Variants in GABRB3 observed in about 807,000 individuals in gnomAD.
GABRB3 encodes gamma-aminobutyric acid type A receptor subunit beta3, also known as gamma-aminobutyric acid receptor subunit beta-3.
In GABRB3, 14 loss-of-function variants were observed where a neutral mutation model predicts 52.1. The observed-to-expected ratio is 0.27, with a 90% CI of 0.18 to 0.42. The LOEUF (loss-of-function observed/expected upper bound fraction) is 0.42. Ranked by LOEUF, GABRB3 falls within the 10% of genes least tolerant of loss-of-function variation. The pLI, the probability that GABRB3 is intolerant of heterozygous loss-of-function variation, is 1.00. For synonymous variants in GABRB3, 260 were observed against 232.3 expected, an observed-to-expected ratio of 1.12 and a Z score of -1.08; for missense variants, 307 against 609.1, an observed-to-expected ratio of 0.50 and a Z score of 5.22.
chr15:26,757,648 C>T (rs1179454585), intron 3 of GABRB3, among the ~76,000 whole-genome samples: 4 of 152,238 alleles, frequency 2.6e-5, no homozygotes, highest in African/African-American at 4.8e-5. Context: ...CTAATCAACA[C>T]GGAGCAATTG....
At chr15:26,565,165 G>T (rs1449168878) in intron 7 of GABRB3, among the ~76,000 whole-genome samples, 1 of 118,272 alleles carries the variant, frequency 8.5e-6, no homozygotes, top group Non-Finnish European at 1.7e-5. Context: ...CTTGTCTGTT[G>T]TATTGATGAT....
chr15:26,713,409 C>T (rs1319650897), intron 3 of GABRB3, among the ~76,000 whole-genome samples: 1 of 151,952 alleles, frequency 6.6e-6, no homozygotes, highest in Non-Finnish European at 1.5e-5. Flanking sequence ...AGAGGGGAGA[C>T]CCAGGCCCTA....
intron 3 of GABRB3, among the ~76,000 whole-genome samples, chr15:26,663,201 C>T (rs1326557913): frequency 1.3e-5 from 2 of 152,190 alleles, no homozygotes; most frequent in Non-Finnish European, 2.9e-5. Context: ...ATAGCCACAT[C>T]AGCCTCCCTC....
chr15:26,662,948 T>C (rs1199743252), intron 3 of GABRB3, among the ~76,000 whole-genome samples: 3 of 152,196 alleles, frequency 2.0e-5, no homozygotes, highest in African/African-American at 4.8e-5. Context: ...CCATGCCCAG[T>C]GTCCCCCAAG....
At chr15:26,609,503 A>G (rs1891984670) in intron 4 of GABRB3, among the ~76,000 whole-genome samples, 1 of 152,192 alleles carries the variant, frequency 6.6e-6, no homozygotes, top group Non-Finnish European at 1.5e-5. Flanking sequence ...AACTCTCATA[A>G]GTCAGTCAAA....
chr15:26,719,807 A>C (rs992722081), intron 3 of GABRB3, among the ~76,000 whole-genome samples: 2 of 152,122 alleles, frequency 1.3e-5, no homozygotes, highest in Admixed American at 1.3e-4. Flanking sequence ...TAAATCCAAA[A>C]ATTCACCCAA....
At chr15:26,710,447 A>G (rs113236704) in intron 3 of GABRB3, among the ~76,000 whole-genome samples, 2 of 152,106 alleles carry the variant, frequency 1.3e-5, no homozygotes, top group Non-Finnish European at 2.9e-5. Flanking sequence ...TTTTTAGTAG[A>G]GATGGGGTTT....
At chr15:26,595,607 G>A (rs569580801) in intron 4 of GABRB3, among the ~76,000 whole-genome samples, 2 of 152,202 alleles carry the variant, frequency 1.3e-5, no homozygotes, top group South Asian at 2.1e-4. Flanking sequence ...ACAAGAGCTT[G>A]GAGCTTTTTA....
intron 7 of GABRB3, among the ~76,000 whole-genome samples, chr15:26,562,190 G>A (rs939025445): frequency 5.9e-5 from 9 of 152,176 alleles, no homozygotes; most frequent in African/African-American, 2.2e-4. Context: ...GGAAAGGCAC[G>A]GATCACTCCC....
chr15:26,554,037 T>A (rs10444894), intron 8 of GABRB3, among the ~76,000 whole-genome samples: 2,298 of 57,386 alleles, frequency 0.04, 365 homozygotes, highest in African/African-American at 0.14. Context: ...ATATATATAT[T>A]TATTTATTTA....
intron 3 of GABRB3, among the ~76,000 whole-genome samples, chr15:26,695,530 C>CAG (rs34969090): frequency 0.56 from 85,027 of 151,694 alleles, 25,044 homozygotes; most frequent in East Asian, 0.81. Flanking sequence ...AATAGTTTCT[C>CAG]ACAAACAGAA....
At chr15:26,654,748 G>A (rs576451152) in intron 3 of GABRB3, among the ~76,000 whole-genome samples, 1 of 152,226 alleles carries the variant, frequency 6.6e-6, no homozygotes, top group East Asian at 2.0e-4. Flanking sequence ...GTGACACAGT[G>A]AGACCTTGTC....
At chr15:26,670,148 G>A (rs1227250158) in intron 3 of GABRB3, among the ~76,000 whole-genome samples, 1 of 152,220 alleles carries the variant, frequency 6.6e-6, no homozygotes, top group African/African-American at 2.4e-5. Context: ...ACAGGGCTGA[G>A]CGCGGAGACC....
At chr15:26,736,091 AG>A (rs1355022465) in intron 3 of GABRB3, among the ~76,000 whole-genome samples, 1 of 152,176 alleles carries the variant, frequency 6.6e-6, no homozygotes, top group African/African-American at 2.4e-5. Flanking sequence ...AGGTGTGCAG[AG>A]TTACTATTTA....
chr15:26,767,204 C>A (rs1003484455), intron 3 of GABRB3: 28 of 152,328 alleles, frequency 1.8e-4, no homozygotes, highest in Admixed American at 1.6e-3. Context: ...CTGGACCTTA[C>A]CCCTGAAGTG....
intron 4 of GABRB3, chr15:26,615,794 T>A: frequency 8.5e-7 from 1 of 1,180,166 alleles, no homozygotes; most frequent in Non-Finnish European, 1.1e-6. Context: ...AGGCTACTGC[T>A]GGATAGACAA....
chr15:26,621,564 G>A lies in GABRB3; in HGVS notation c.241-30C>T, dbSNP rs752799468. 6 of 1,564,952 alleles carry A rather than the reference G, an allele frequency of 3.8e-6. No individual in the cohort carries two copies. The highest frequency in any genetic ancestry group is 3.3e-5 in the South Asian group (3 of 90,072). On this transcript the variant is annotated intron_variant, in intron 3 of 8. Transcript: ENST00000311550. The surrounding 1 kb of genome is among the most constrained non-coding windows in gnomAD (Gnocchi z 4.1). ...GGGGAAAAGAAAAGAAAGAAAGTTAGTTTGTACCCAGCCACAGGTGTATTT... is the reference window on the plus strand; with the variant it reads ...GGGGAAAAGAAAAGAAAGAAAGTTAATTTGTACCCAGCCACAGGTGTATTT...
intron 8 of GABRB3, among the ~76,000 whole-genome samples, chr15:26,557,275 A>C (rs1374675205): frequency 6.6e-6 from 1 of 152,150 alleles, no homozygotes; most frequent in Non-Finnish European, 1.5e-5. Flanking sequence ...GGACCCCTTG[A>C]GTGTGAAGGG....
intron 8 of GABRB3, among the ~76,000 whole-genome samples, chr15:26,559,229 G>A (rs1397931513): frequency 1.3e-5 from 2 of 152,190 alleles, no homozygotes; most frequent in Non-Finnish European, 2.9e-5. Flanking sequence ...GACTTCTCAT[G>A]AGATGATCTG....
Sources: allele counts gnomAD v4.1 joint callset (sites outside exome capture counted in the v4.1 genomes callset), GRCh38; gene constraint gnomAD v4.1.1; non-coding constraint Gnocchi (gnomAD v3.1); transcripts MANE v1.5; gene names NCBI Gene and HGNC (gene_info 2026-07-23, HGNC 2026-07-21).